Variants in FHIT observed in about 807,000 individuals in gnomAD.
The protein encoded by FHIT is fragile histidine triad diadenosine triphosphatase.
A neutral mutation model predicts 17.9 loss-of-function variants in FHIT; 19 were observed. That is an observed-to-expected ratio of 1.06 (90% CI 0.74 to 1.56). FHIT has a LOEUF of 1.56. FHIT is among the 40% of genes most tolerant of loss of function. The pLI is 0.00. For missense variants in FHIT, 248 were observed against 189.2 expected (o/e 1.31, Z -1.82); for synonymous variants, 81 against 69.7 (o/e 1.16, Z -0.81).
At chr3:60,015,210 C>A (rs1472144087) in intron 5 of FHIT, among the ~76,000 whole-genome samples, 1 of 152,086 alleles carries the variant, frequency 6.6e-6, no homozygotes, top group Non-Finnish European at 1.5e-5. Flanking sequence ...GAATATCAAC[C>A]CCATTCCGCT....
At chr3:60,519,731 T>C (rs2035290320) in intron 5 of FHIT, among the ~76,000 whole-genome samples, 1 of 152,192 alleles carries the variant, frequency 6.6e-6, no homozygotes, top group Non-Finnish European at 1.5e-5. Flanking sequence ...GAATTTAACC[T>C]TTTCTTGTAA....
At chr3:59,977,547 C>T (rs1310437060) in intron 7 of FHIT, among the ~76,000 whole-genome samples, 2 of 152,144 alleles carry the variant, frequency 1.3e-5, no homozygotes, top group African/African-American at 4.8e-5. Flanking sequence ...GAGGTTATCA[C>T]ACACAATGAC....
intron 5 of FHIT, among the ~76,000 whole-genome samples, chr3:60,053,623 A>C (rs183946801): frequency 6.6e-6 from 1 of 152,128 alleles, no homozygotes; most frequent in East Asian, 1.9e-4. Context: ...AAAATCTCTT[A>C]AGAGATACCA....
chr3:59,942,935 C>A (rs1706602897), intron 7 of FHIT, among the ~76,000 whole-genome samples: 2 of 152,122 alleles, frequency 1.3e-5, no homozygotes, highest in Non-Finnish European at 2.9e-5. Flanking sequence ...AAGCATGACC[C>A]ACTGTGCCTG....
At chr3:60,912,550 A>G (rs1706801268) in intron 3 of FHIT, among the ~76,000 whole-genome samples, 1 of 152,234 alleles carries the variant, frequency 6.6e-6, no homozygotes, top group African/African-American at 2.4e-5. Flanking sequence ...AGAAGCAGAT[A>G]TGAGAGAAGC....
At chr3:61,071,978 C>T (rs1419888869) in intron 2 of FHIT, among the ~76,000 whole-genome samples, 2 of 152,202 alleles carry the variant, frequency 1.3e-5, no homozygotes, top group Non-Finnish European at 2.9e-5. Context: ...ATTCTAGTGA[C>T]ACAATCACTC....
At chr3:59,978,319 C>T (rs951248059) in intron 7 of FHIT, among the ~76,000 whole-genome samples, 6 of 152,092 alleles carry the variant, frequency 3.9e-5, no homozygotes, top group Non-Finnish European at 8.8e-5. Flanking sequence ...GGCCACCTTA[C>T]ATGCCAATTA....
intron 3 of FHIT, among the ~76,000 whole-genome samples, chr3:60,839,780 G>C (rs1702657521): frequency 6.6e-6 from 1 of 152,066 alleles, no homozygotes; most frequent in Non-Finnish European, 1.5e-5. Flanking sequence ...GTTGGCTCTA[G>C]ACATGAAATG....
chr3:61,224,676 C>T (rs1447295324), intron 1 of FHIT, among the ~76,000 whole-genome samples: 2 of 152,174 alleles, frequency 1.3e-5, no homozygotes, highest in Admixed American at 6.5e-5. Context: ...TCCCATAGTG[C>T]TGGGATTACA....
chr3:60,711,897 C>A (rs1178392899), intron 4 of FHIT, among the ~76,000 whole-genome samples: 13 of 152,146 alleles, frequency 8.5e-5, no homozygotes, highest in African/African-American at 3.1e-4. Flanking sequence ...GGCAGGCCAA[C>A]ATTCAGATTC....
intron 2 of FHIT, among the ~76,000 whole-genome samples, chr3:61,066,589 T>C (rs1424297466): frequency 6.6e-6 from 1 of 152,114 alleles, no homozygotes; most frequent in Admixed American, 6.5e-5. Context: ...GACTCCAGCC[T>C]GGGCAAGAAG....
At chr3:60,641,776 G>C (rs781987224) in intron 4 of FHIT, among the ~76,000 whole-genome samples, 1 of 152,076 alleles carries the variant, frequency 6.6e-6, no homozygotes, top group Non-Finnish European at 1.5e-5. Context: ...GATTCTGATG[G>C]CATCAGTCAG....
At position 60,926,243 on chromosome 3, in the gene FHIT, C is replaced by G. The variant is rs545384988; in HGVS notation, c.-110-104232G>C. Among the ~76,000 whole-genome samples, 5 of 152,336 alleles carry G rather than the reference C, an allele frequency of 3.3e-5. No individual in the cohort carries two copies. The East Asian group carries it at 5.8e-4, about 18-fold the overall frequency. The stretch of plus-strand genomic sequence containing the variant: ...TACAGAACTCTCCACCCCAAATCAA[C>G]AGAATATACATTCTTTTCAGCACCA... On this transcript the variant is annotated intron_variant, in intron 3 of 9. Coordinates refer to ENST00000492590, the MANE Select transcript of FHIT (RefSeq NM_002012.4).
chr3:61,120,424 T>C (rs944874671), intron 2 of FHIT, among the ~76,000 whole-genome samples: 10 of 152,180 alleles, frequency 6.6e-5, no homozygotes, highest in Non-Finnish European at 5.9e-5. Flanking sequence ...GAAGCAAACA[T>C]TATATTTGAA....
rs560655269 is a variant in FHIT, at chr3:60,314,062, C to A, written c.103+222798G>T. Among the ~76,000 whole-genome samples, 26 of 152,094 alleles carry A rather than the reference C, an allele frequency of 1.7e-4. No homozygotes were observed. The East Asian group carries it at 4.9e-3, about 28-fold the overall frequency. ...CATCAGTGTCATGTTCAAATGAAGC[C>A]GAATAGTTTAAAAGGCTCGCTTTCA... On this transcript the variant is annotated intron_variant, in intron 5 of 9. Coordinates refer to ENST00000492590, the MANE Select transcript of FHIT (RefSeq NM_002012.4).
At chr3:59,933,628 C>T (rs967166979) in intron 7 of FHIT, among the ~76,000 whole-genome samples, 1 of 152,116 alleles carries the variant, frequency 6.6e-6, no homozygotes, top group Non-Finnish European at 1.5e-5. Context: ...GAGTAAATAA[C>T]TAATGTCTGG....
intron 3 of FHIT, among the ~76,000 whole-genome samples, chr3:61,034,332 CAG>C (rs2033144174): frequency 6.6e-6 from 1 of 151,990 alleles, no homozygotes. Flanking sequence ...AGACAATCTA[CAG>C]AGTGAGAGAA....
chr3:59,844,967 T>A (rs932332250), intron 8 of FHIT, among the ~76,000 whole-genome samples: 1 of 152,176 alleles, frequency 6.6e-6, no homozygotes, highest in South Asian at 2.1e-4. Flanking sequence ...ACTGATTTAA[T>A]CTCCTTACTA....
intron 4 of FHIT, among the ~76,000 whole-genome samples, chr3:60,634,024 G>T (rs150399339): frequency 7.9e-5 from 12 of 152,320 alleles, no homozygotes; most frequent in African/African-American, 1.9e-4. Flanking sequence ...CTGCTGTACT[G>T]TAAGTAGAAA....
Sources: allele counts gnomAD v4.1 joint callset (sites outside exome capture counted in the v4.1 genomes callset), GRCh38; gene constraint gnomAD v4.1.1; transcripts MANE v1.5; gene names NCBI Gene and HGNC (gene_info 2026-07-23, HGNC 2026-07-21).